Variants in DPYD observed in about 807,000 individuals in gnomAD.
DPYD encodes the protein dihydropyrimidine dehydrogenase [NADP(+)].
Under a neutral mutation model 116.2 loss-of-function variants are expected in DPYD, and 109 were observed. The observed-to-expected ratio is 0.94, with a 90% CI of 0.80 to 1.10. The LOEUF (loss-of-function observed/expected upper bound fraction) is 1.10. Ranked by LOEUF, DPYD falls within the 50% of genes least tolerant of loss-of-function variation. DPYD has a pLI of 0.00. For synonymous variants in DPYD, 440 were observed against 432.0 expected (o/e 1.02, Z -0.23); for missense variants, 1,302 against 1,254.5 (o/e 1.04, Z -0.57).
At chr1:97,127,674 C>G (rs532484726) in intron 20 of DPYD, among the ~76,000 whole-genome samples, 5 of 152,198 alleles carry the variant, frequency 3.3e-5, no homozygotes, top group Admixed American at 2.0e-4. Context: ...TGCAGTAGTC[C>G]CCTACTGGCA....
chr1:97,316,784 G>T (rs919540186), intron 16 of DPYD, among the ~76,000 whole-genome samples: 3 of 151,740 alleles, frequency 2.0e-5, no homozygotes, highest in African/African-American at 7.3e-5. Context: ...CTCTATGCCT[G>T]CCTGAATTGA....
At chr1:97,655,450 G>C (rs1199037141) in intron 8 of DPYD, among the ~76,000 whole-genome samples, 1 of 152,096 alleles carries the variant, frequency 6.6e-6, no homozygotes, top group Non-Finnish European at 1.5e-5. Flanking sequence ...GATGCTTTTT[G>C]CAAGTTCCTT....
intron 19 of DPYD, among the ~76,000 whole-genome samples, chr1:97,230,727 C>A (rs1472627458): frequency 1.3e-5 from 2 of 152,118 alleles, no homozygotes; most frequent in Non-Finnish European, 2.9e-5. Flanking sequence ...TGGCGTGGGT[C>A]TAAGGGTCAT....
At chr1:97,582,588 A>C (rs1457460831) in intron 10 of DPYD, among the ~76,000 whole-genome samples, 1 of 152,076 alleles carries the variant, frequency 6.6e-6, no homozygotes, top group Non-Finnish European at 1.5e-5. Flanking sequence ...ATGTTAATTA[A>C]TCTCTGGCCT....
At chr1:97,576,472 A>C (rs1479824629) in intron 10 of DPYD, among the ~76,000 whole-genome samples, 1 of 152,214 alleles carries the variant, frequency 6.6e-6, no homozygotes, top group Non-Finnish European at 1.5e-5. Flanking sequence ...CTGTTATTAC[A>C]TATAGATAAT....
At chr1:97,112,022 T>A (rs1452685093) in intron 20 of DPYD, among the ~76,000 whole-genome samples, 3 of 152,122 alleles carry the variant, frequency 2.0e-5, no homozygotes, top group Non-Finnish European at 2.9e-5. Context: ...AGGCACTTAA[T>A]AGGCCTCTTT....
intron 13 of DPYD, among the ~76,000 whole-genome samples, chr1:97,452,824 T>C (rs1676491909): frequency 6.6e-6 from 1 of 152,086 alleles, no homozygotes; most frequent in African/African-American, 2.4e-5. Context: ...GCCTCCACAT[T>C]AGCAGATGCT....
intron 18 of DPYD, among the ~76,000 whole-genome samples, chr1:97,301,186 A>G (rs1666839982): frequency 6.6e-6 from 1 of 152,088 alleles, no homozygotes; most frequent in African/African-American, 2.4e-5. Context: ...CTATGAGAGG[A>G]GTAACTTTGA....
intron 16 of DPYD, among the ~76,000 whole-genome samples, chr1:97,333,060 C>CTT (rs10681575): frequency 0.33 from 43,944 of 133,618 alleles, 7,775 homozygotes; most frequent in East Asian, 0.47. Flanking sequence ...ACTGCTAATT[C>CTT]TTTTTTTTTT....
At chr1:97,323,532 ATACATAT>A (rs1396251938) in intron 16 of DPYD, among the ~76,000 whole-genome samples, 9 of 136,172 alleles carry the variant, frequency 6.6e-5, no homozygotes, top group African/African-American at 2.1e-4. Context: ...ACACATATAT[ATACATAT>A]CATATATATA....
At chr1:97,648,870 G>A (rs1452024273) in intron 8 of DPYD, among the ~76,000 whole-genome samples, 1 of 151,852 alleles carries the variant, frequency 6.6e-6, no homozygotes, top group African/African-American at 2.4e-5. Flanking sequence ...ATAAGCATAC[G>A]GCTACTGTTA....
Position 97,593,342 on chromosome 1 carries a change from A to C in DPYD, c.1004T>G (p.Val335Gly). 2 of 1,614,152 alleles carry C rather than the reference A, an allele frequency of 1.2e-6. No homozygotes were observed. Among genetic ancestry groups the C allele is most frequent in the Non-Finnish European group, 1.7e-6 (2 of 1,180,010 alleles). Residue 335 changes from valine to glycine, a missense_variant, in exon 10 of 23, where the codon GTG (valine) becomes GGG (glycine). Coordinates refer to ENST00000370192, the MANE Select transcript of DPYD (RefSeq NM_000110.4). The part of the protein sequence containing the change: ...HSPLPSIRGV[V>G]IVLGAGDTAF... ...AGTGTCTCCAGCTCCAAGTACAATC[A>C]CGACTCCCCGTATCGATGGCAATGG...
At chr1:97,080,242 G>A (rs1184247550) in intron 22 of DPYD, among the ~76,000 whole-genome samples, 1 of 151,968 alleles carries the variant, frequency 6.6e-6, no homozygotes, top group Non-Finnish European at 1.5e-5. Context: ...GACAATAAGT[G>A]TCTCTCCACC....
chr1:97,089,210 G>A (rs1195588958), intron 21 of DPYD, among the ~76,000 whole-genome samples: 2 of 152,084 alleles, frequency 1.3e-5, no homozygotes, highest in East Asian at 1.9e-4. Context: ...ATTCAAAGAC[G>A]TTAGAGATAC....
chr1:97,761,607 GC>G (rs762350630), intron 3 of DPYD, among the ~76,000 whole-genome samples: 1 of 152,080 alleles, frequency 6.6e-6, no homozygotes, highest in Non-Finnish European at 1.5e-5. Flanking sequence ...ATTGTGGAAA[GC>G]AGTGTGGCAA....
rs1346462094 is a variant in DPYD at position 97,305,332 on chromosome 1, C to T, written c.2226G>A (p.Met742Ile). 6.2e-7 allele frequency: 1 copy of T among 1,612,460 alleles called. No individual in the cohort carries two copies. The highest frequency in any genetic ancestry group is 1.7e-5 in the Admixed American group (1 of 59,862). The stretch of plus-strand genomic sequence containing the variant: ...AAGGTGTGCCATCAGATTTTAATCC[C>T]ATCAGACCTGAGACAGTGTTGGTGG... ...VTATNTVSGL[M>I]GLKSDGTPWP... Residue 742 changes from methionine (M) to isoleucine (I), a missense_variant, in exon 18 of 23, where the codon ATG (methionine) becomes ATA (isoleucine). By Grantham distance (10) the Met-to-Ile change is conservative (BLOSUM62 1). Coordinates refer to ENST00000370192, the MANE Select transcript of DPYD (RefSeq NM_000110.4).
intron 18 of DPYD, chr1:97,280,027 T>C (rs1217743276): frequency 1.3e-5 from 2 of 152,166 alleles, no homozygotes. Flanking sequence ...AGAAAAGACC[T>C]GAAGATACTC....
At chr1:97,233,366 G>T (rs71656173) in intron 19 of DPYD, among the ~76,000 whole-genome samples, 32,944 of 152,008 alleles carry the variant, frequency 0.22, 3,922 homozygotes, top group South Asian at 0.52. Context: ...CTGCAGAAGG[G>T]GGGAGGACGG....
intron 4 of DPYD, among the ~76,000 whole-genome samples, chr1:97,735,709 A>G (rs1351311334): frequency 6.7e-6 from 1 of 149,034 alleles, no homozygotes; most frequent in East Asian, 1.9e-4. Context: ...TAAATAAATA[A>G]ATAAATAAAT....
Sources: allele counts gnomAD v4.1 joint callset (sites outside exome capture counted in the v4.1 genomes callset), GRCh38; gene constraint gnomAD v4.1.1; transcripts MANE v1.5; gene names NCBI Gene and HGNC (gene_info 2026-07-23, HGNC 2026-07-21).